Variants in LHFPL3 observed in about 807,000 individuals in gnomAD.
LHFPL3 encodes LHFPL tetraspan subfamily member 3.
In LHFPL3, 5 loss-of-function variants were observed where a neutral mutation model predicts 19.3. That is an observed-to-expected ratio of 0.26 (90% CI 0.14 to 0.54). The LOEUF (loss-of-function observed/expected upper bound fraction) is 0.54. Ranked by LOEUF, LHFPL3 falls within the 20% of genes least tolerant of loss-of-function variation. LHFPL3 has a pLI of 0.94. For missense variants in LHFPL3, 249 were observed against 307.4 expected, an observed-to-expected ratio of 0.81 and a Z score of 1.42; for synonymous variants, 133 against 126.2, an observed-to-expected ratio of 1.05 and a Z score of -0.36.
chr7:104,405,163 G>T (rs6952024), intron 1 of LHFPL3, among the ~76,000 whole-genome samples: 12,314 of 152,082 alleles, frequency 0.081, 557 homozygotes, highest in Non-Finnish European at 0.1. Context: ...TCATGATTGG[G>T]TTTGTCAGTC....
At chr7:104,387,811 G>A (rs1038860652) in intron 1 of LHFPL3, among the ~76,000 whole-genome samples, 2 of 152,112 alleles carry the variant, frequency 1.3e-5, no homozygotes, top group Admixed American at 1.3e-4. Context: ...TTAACTTTTA[G>A]GTTCGGGGTA....
At chr7:104,697,741 A>G (rs931972564) in intron 1 of LHFPL3, among the ~76,000 whole-genome samples, 2 of 152,154 alleles carry the variant, frequency 1.3e-5, no homozygotes, top group Non-Finnish European at 2.9e-5. Flanking sequence ...CCTAGTGCTG[A>G]TGTAATATTT....
intron 1 of LHFPL3, among the ~76,000 whole-genome samples, chr7:104,369,260 A>T (rs1790562671): frequency 6.6e-6 from 1 of 152,170 alleles, no homozygotes; most frequent in South Asian, 2.1e-4. Flanking sequence ...GCAACCACTG[A>T]TCTGCTTTAT....
intron 1 of LHFPL3, among the ~76,000 whole-genome samples, chr7:104,533,083 G>A (rs1317997379): frequency 6.6e-6 from 1 of 152,080 alleles, no homozygotes; most frequent in Non-Finnish European, 1.5e-5. Context: ...GGATTTTTAT[G>A]GTCATCTTTT....
intron 1 of LHFPL3, among the ~76,000 whole-genome samples, chr7:104,666,552 C>G (rs1002066238): frequency 1.8e-5 from 1 of 55,368 alleles, no homozygotes; most frequent in Non-Finnish European, 3.7e-5. Flanking sequence ...GACGGAGTCT[C>G]GCTCTGTCGC....
At chr7:104,828,680 T>C (rs900446670) in intron 2 of LHFPL3, among the ~76,000 whole-genome samples, 6 of 151,898 alleles carry the variant, frequency 4.0e-5, no homozygotes, top group African/African-American at 1.5e-4. Context: ...CATGCCAGAG[T>C]AGCTGAATAG....
intron 1 of LHFPL3, among the ~76,000 whole-genome samples, chr7:104,476,705 C>CCACCT (rs1214852330): frequency 1.3e-5 from 2 of 152,146 alleles, no homozygotes; most frequent in Non-Finnish European, 2.9e-5. Flanking sequence ...GGTGATCTGC[C>CCACCT]CACCTCAGCC....
intron 2 of LHFPL3, chr7:104,799,760 A>G (rs971034908): frequency 1.3e-5 from 2 of 153,038 alleles, no homozygotes; most frequent in African/African-American, 4.8e-5. Flanking sequence ...TGATTCCATC[A>G]TGCTGTTGCT....
chr7:104,417,884 C>CTTT (rs762794916), intron 1 of LHFPL3, among the ~76,000 whole-genome samples: 3,018 of 117,658 alleles, frequency 0.026, 185 homozygotes, highest in African/African-American at 0.096. Context: ...TCTTCTTCTT[C>CTTT]TTTTTTTTTT....
intron 2 of LHFPL3, chr7:104,826,381 C>A: frequency 6.2e-6 from 1 of 160,080 alleles, no homozygotes. Context: ...AGAGAAGCAG[C>A]CCTGCATCAG....
chr7:104,539,251 G>A (rs765173044), intron 1 of LHFPL3, among the ~76,000 whole-genome samples: 7 of 152,254 alleles, frequency 4.6e-5, no homozygotes, highest in South Asian at 2.1e-4. Flanking sequence ...GGTATTCCAC[G>A]TGGAAGGAAT....
At chr7:104,386,631 G>A (rs1358439435) in intron 1 of LHFPL3, among the ~76,000 whole-genome samples, 12 of 152,330 alleles carry the variant, frequency 7.9e-5, no homozygotes, top group Non-Finnish European at 2.9e-5. Flanking sequence ...GGAAGTAAAA[G>A]CACTAAGGCA....
intron 1 of LHFPL3, among the ~76,000 whole-genome samples, chr7:104,499,457 C>T (rs966778010): frequency 6.6e-6 from 1 of 152,162 alleles, no homozygotes; most frequent in African/African-American, 2.4e-5. Flanking sequence ...CATGACCGAG[C>T]TCTTATATTC....
At chr7:104,686,493 G>C (rs1459445942) in intron 1 of LHFPL3, among the ~76,000 whole-genome samples, 1 of 152,166 alleles carries the variant, frequency 6.6e-6, no homozygotes, top group Non-Finnish European at 1.5e-5. Flanking sequence ...TCACCACTCA[G>C]CACAAACCTT....
chr7:104,833,520 G>A (rs1791036046), intron 2 of LHFPL3, among the ~76,000 whole-genome samples: 1 of 61,666 alleles, frequency 1.6e-5, no homozygotes, highest in African/African-American at 6.7e-5. Flanking sequence ...GGGAACTTGT[G>A]ATCATGTAAG....
chr7:104,781,193 C>G (rs1468802110), intron 2 of LHFPL3, among the ~76,000 whole-genome samples: 1 of 152,188 alleles, frequency 6.6e-6, no homozygotes, highest in Non-Finnish European at 1.5e-5. Context: ...TACTGTCCCA[C>G]CCAGTGGCTA....
At chr7:104,622,803 A>C (rs1207710090) in intron 1 of LHFPL3, among the ~76,000 whole-genome samples, 62 of 152,122 alleles carry the variant, frequency 4.1e-4, no homozygotes, top group Non-Finnish European at 8.8e-5. Context: ...CGTATGTTTT[A>C]ATTTCTTGTG....
At chr7:104,342,599 G>T (rs368766279) in intron 1 of LHFPL3, among the ~76,000 whole-genome samples, 1 of 152,104 alleles carries the variant, frequency 6.6e-6, no homozygotes. Flanking sequence ...TCTCAAGCTG[G>T]TTCCTATTTT....
intron 1 of LHFPL3, among the ~76,000 whole-genome samples, chr7:104,447,932 T>C (rs1225365274): frequency 6.6e-6 from 1 of 152,170 alleles, no homozygotes; most frequent in Non-Finnish European, 1.5e-5. Flanking sequence ...TTGCGATTTT[T>C]GTGGGTCAAA....
Sources: allele counts gnomAD v4.1 joint callset (sites outside exome capture counted in the v4.1 genomes callset), GRCh38; gene constraint gnomAD v4.1.1; transcripts MANE v1.5; gene names NCBI Gene and HGNC (gene_info 2026-07-23, HGNC 2026-07-21).